Variants in CLIP2 observed in about 807,000 individuals in gnomAD.
The protein encoded by CLIP2 is CAP-Gly domain-containing linker protein 2.
CLIP2 carries 41 observed loss-of-function variants against 111.7 expected under a neutral mutation model. That is an observed-to-expected ratio of 0.37 (90% CI 0.29 to 0.48). The LOEUF is 0.48. CLIP2 is among the 20% of genes least tolerant of loss of function. CLIP2 has a pLI of 0.99. For missense variants in CLIP2, 1,160 were observed against 1,422.1 expected (o/e 0.82, Z 2.96); for synonymous variants, 660 against 644.2 (o/e 1.02, Z -0.37).
At position 74,350,969 on chromosome 7, in the gene CLIP2, G is replaced by A. The variant is rs201446428; in HGVS notation, c.679-2911G>A. On this transcript the variant is annotated intron_variant, in intron 3 of 16. Transcript: ENST00000223398. ...AAGGGAAAGAAAGGAAGGAAGGGAA[G>A]GAAAGGAAGGAAGGGAAGGAAGAGA... Among the ~76,000 whole-genome samples, 1,154 of 129,238 alleles carry A rather than the reference G, an allele frequency of 8.9e-3. 8 individuals carry two copies. Among genetic ancestry groups the A allele is most frequent in the Non-Finnish European group, 0.011 (694 of 63,224 alleles). 84.8% of individuals were successfully genotyped at this position (129,238 alleles called of 152,430 possible). A position where few individuals can be genotyped will look rare whatever the true frequency, so the allele number is the denominator to read the frequency against.
chr7:74,322,032 G>A (rs1788971518), intron 2 of CLIP2, among the ~76,000 whole-genome samples: 3 of 135,450 alleles, frequency 2.2e-5, no homozygotes, highest in Middle Eastern at 4.7e-3. Context: ...CGACCAGGCT[G>A]GAGTGTAGTG....
intron 2 of CLIP2, among the ~76,000 whole-genome samples, chr7:74,335,056 G>A (rs2116548141): frequency 6.6e-6 from 1 of 152,072 alleles, no homozygotes; most frequent in East Asian, 1.9e-4. Flanking sequence ...GTCCTACTCG[G>A]CCTGAGTGAC....
At chr7:74,362,605 G>A (rs1013430627) in intron 7 of CLIP2, among the ~76,000 whole-genome samples, 1 of 138,666 alleles carries the variant, frequency 7.2e-6, no homozygotes, top group Non-Finnish European at 1.5e-5. Context: ...GTGTGATCTC[G>A]GCTCACTGCA....
At chr7:74,334,433 G>A (rs1554731776) in intron 2 of CLIP2, among the ~76,000 whole-genome samples, 1 of 152,102 alleles carries the variant, frequency 6.6e-6, no homozygotes. Context: ...CCTGGGCCCG[G>A]ACAGCTGGGG....
intron 1 of CLIP2, among the ~76,000 whole-genome samples, chr7:74,300,699 A>T (rs1554726697): frequency 6.6e-6 from 1 of 151,514 alleles, no homozygotes; most frequent in East Asian, 2.0e-4. Context: ...CTCATGATCC[A>T]CCCGCCTCGG....
At chr7:74,344,269 A>G (rs889150232) in intron 3 of CLIP2, among the ~76,000 whole-genome samples, 3 of 152,204 alleles carry the variant, frequency 2.0e-5, no homozygotes, top group Non-Finnish European at 2.9e-5. Context: ...CAGGGTTGGC[A>G]GCAGCAAGGG....
chr7:74,371,800 G>T (rs1003309401), intron 8 of CLIP2, among the ~76,000 whole-genome samples: 15 of 151,912 alleles, frequency 9.9e-5, no homozygotes, highest in Non-Finnish European at 1.6e-4. Flanking sequence ...TTTTTTTGTT[G>T]TTCCTTAAGG....
chr7:74,366,150 C>T (rs1234059983), intron 8 of CLIP2, among the ~76,000 whole-genome samples: 2 of 152,124 alleles, frequency 1.3e-5, no homozygotes, highest in African/African-American at 4.8e-5. Context: ...CGCTTTATCA[C>T]CCCACCTCTC....
At chr7:74,392,217 G>C (rs1311112495) in intron 13 of CLIP2, among the ~76,000 whole-genome samples, 1 of 152,000 alleles carries the variant, frequency 6.6e-6, no homozygotes, top group Non-Finnish European at 1.5e-5. Flanking sequence ...CAGGCTTGGT[G>C]GTGGGCACCT....
intron 10 of CLIP2, among the ~76,000 whole-genome samples, chr7:74,378,704 C>T (rs182909904): frequency 1.1e-4 from 17 of 152,284 alleles, no homozygotes; most frequent in Admixed American, 1.1e-3. Context: ...TGCACCACTG[C>T]ACTCCAGCCT....
intron 1 of CLIP2, among the ~76,000 whole-genome samples, chr7:74,315,351 CTT>C (rs56948462): frequency 1.4e-5 from 2 of 147,482 alleles, no homozygotes; most frequent in Non-Finnish European, 3.0e-5. Context: ...GCATCACACA[CTT>C]TTTTTTTTTG....
rs782061793 is a variant in CLIP2 at position 74,357,492 on chromosome 7, G to C, written c.1215+15G>C. The C allele has an allele frequency of 6.2e-7, 1 of 1,603,158 alleles. No individual in the cohort carries two copies. The highest frequency in any genetic ancestry group is 2.3e-5 in the East Asian group (1 of 44,296). On this transcript the variant is annotated intron_variant, in intron 6 of 16. Transcript: ENST00000223398. ...AGCATGAGCAGGTGAGTGGCAGGTG[G>C]GGCTGGGGGCAGAGCTTCTCCAGCC...
intron 11 of CLIP2, among the ~76,000 whole-genome samples, chr7:74,382,546 T>C (rs1333828860): frequency 3.4e-5 from 5 of 147,204 alleles, no homozygotes; most frequent in Non-Finnish European, 7.5e-5. Flanking sequence ...ACTCCTGACC[T>C]CATGATCCTC....
intron 2 of CLIP2, among the ~76,000 whole-genome samples, chr7:74,331,633 G>C (rs1308508428): frequency 1.4e-5 from 2 of 144,936 alleles, no homozygotes; most frequent in African/African-American, 2.6e-5. Flanking sequence ...GAGTGCAGTG[G>C]CGTGATCTCG....
rs782613323 is a variant in CLIP2 at position 74,400,400 on chromosome 7, C to A, written c.2911C>A (p.Arg971Ser). Residue 971 changes from arginine to serine, a missense_variant, in exon 15 of 17, where the codon CGC becomes AGC. This residue lies in a region of CLIP2 where 676 missense variants were observed against 777.8 expected (regional missense o/e 0.87). Transcript: ENST00000223398. ...AGAGAAATCCCTGTCGGATCAGAGGCGCTACTCCCTCATCGACCGGTCCTC... is the reference window on the plus strand; with the variant it reads ...AGAGAAATCCCTGTCGGATCAGAGGAGCTACTCCCTCATCGACCGGTCCTC... ...DKEKSLSDQRRYSLIDRSSAP... is the reference protein window; with the variant it reads ...DKEKSLSDQRSYSLIDRSSAP... 1.2e-6 allele frequency: 2 copies of A among 1,612,806 alleles called. No individual in the cohort carries two copies.
intron 13 of CLIP2, among the ~76,000 whole-genome samples, chr7:74,391,640 C>T (rs1206506402): frequency 4.6e-5 from 7 of 151,638 alleles, no homozygotes; most frequent in African/African-American, 1.7e-4. Flanking sequence ...GTCAACATGG[C>T]GAAACCCCGT....
chr7:74,295,253 C>A (rs888317475), intron 1 of CLIP2, among the ~76,000 whole-genome samples: 1 of 152,114 alleles, frequency 6.6e-6, no homozygotes, highest in African/African-American at 2.4e-5. Context: ...TGAGCCACTG[C>A]ACCCAGCTGG....
intron 1 of CLIP2, among the ~76,000 whole-genome samples, chr7:74,306,723 G>A (rs1788501256): frequency 1.3e-5 from 2 of 152,208 alleles, no homozygotes; most frequent in Admixed American, 1.3e-4. Flanking sequence ...TCCGTCCTGT[G>A]CACCAGGGCC....
In CLIP2 at chr7:74,322,887, T is replaced by C. The variant is rs144724909; in HGVS notation, c.121+5220T>C. Among the ~76,000 whole-genome samples the C allele has an allele frequency of 4.9e-3, 750 of 151,912 alleles. 8 individuals carry two copies. The highest frequency in any genetic ancestry group is 0.017 in the African/African-American group (725 of 41,474). On this transcript the variant is annotated intron_variant, in intron 2 of 16. Coordinates refer to ENST00000223398, the MANE Select transcript of CLIP2 (RefSeq NM_003388.5). ...CTGGGATTACAGGCACACACCACCATGCCCAGCTGATTTTTGTATTTTTAA... is the reference window on the plus strand; with the variant it reads ...CTGGGATTACAGGCACACACCACCACGCCCAGCTGATTTTTGTATTTTTAA...
Sources: gnomAD v4.1 joint callset for allele counts (sites outside exome capture counted in the v4.1 genomes callset) on GRCh38, gnomAD v4.1.1 for gene constraint, gnomAD v4.1.1 regional missense constraint, MANE v1.5 for transcripts, NCBI Gene and HGNC (gene_info 2026-07-23, HGNC 2026-07-21) for gene names.